Variants in RYR2 observed in about 807,000 individuals in gnomAD.
RYR2 encodes cardiac muscle ryanodine receptor-calcium release channel.
A neutral mutation model predicts 601.1 loss-of-function variants in RYR2; 227 were observed. The observed-to-expected ratio is 0.38, with a 90% CI of 0.34 to 0.42. The LOEUF is 0.42. RYR2 is among the 10% of genes least tolerant of loss of function. The pLI, the probability that RYR2 is intolerant of heterozygous loss-of-function variation, is 1.00. For missense variants in RYR2, 4,646 were observed against 6,156.5 expected, an observed-to-expected ratio of 0.75 and a Z score of 8.21; for synonymous variants, 2,223 against 2,175.1, an observed-to-expected ratio of 1.02 and a Z score of -0.61.
intron 36 of RYR2, among the ~76,000 whole-genome samples, chr1:237,611,849 T>C (rs1677904964): frequency 6.6e-6 from 1 of 152,192 alleles, no homozygotes; most frequent in African/African-American, 2.4e-5. Context: ...AACCTATGCT[T>C]TGGAAAACAG....
At chr1:237,451,580 CAAAA>C (rs3035864) in intron 14 of RYR2, among the ~76,000 whole-genome samples, 1 of 120,016 alleles carries the variant, frequency 8.3e-6, no homozygotes. Context: ...AACTCTGTCT[CAAAA>C]AAAAAAAAAA....
chr1:237,107,391 G>C (rs1194711221), intron 1 of RYR2, among the ~76,000 whole-genome samples: 12 of 151,092 alleles, frequency 7.9e-5, no homozygotes, highest in Non-Finnish European at 1.6e-4. Context: ...CGTGGTGGCG[G>C]GCGCCTGTAG....
At chr1:237,054,211 T>C (rs1173158638) in intron 1 of RYR2, among the ~76,000 whole-genome samples, 1 of 144,210 alleles carries the variant, frequency 6.9e-6, no homozygotes, top group Non-Finnish European at 1.5e-5. Context: ...TTTCCTCCCT[T>C]CCTTCCTTTT....
chr1:237,131,081 C>A (rs1481837382), intron 1 of RYR2, among the ~76,000 whole-genome samples: 1 of 152,032 alleles, frequency 6.6e-6, no homozygotes, highest in Non-Finnish European at 1.5e-5. Context: ...TAGCCCCTGG[C>A]ACAGATGAGC....
At chr1:237,458,056 C>T (rs945616859) in intron 16 of RYR2, among the ~76,000 whole-genome samples, 7 of 152,142 alleles carry the variant, frequency 4.6e-5, no homozygotes, top group South Asian at 2.1e-4. Context: ...CACATCACAC[C>T]TCTGGGACGT....
At chr1:237,662,885 T>C (rs1683935717) in intron 56 of RYR2, among the ~76,000 whole-genome samples, 1 of 152,268 alleles carries the variant, frequency 6.6e-6, no homozygotes, top group African/African-American at 2.4e-5. Context: ...CTGGTAGTGC[T>C]ACTTTCTAAA....
intron 16 of RYR2, among the ~76,000 whole-genome samples, chr1:237,464,562 G>T (rs562539909): frequency 1.3e-5 from 2 of 151,982 alleles, no homozygotes; most frequent in Non-Finnish European, 2.9e-5. Flanking sequence ...TGGGGAAGCA[G>T]TCCCACTAAT....
Position 237,098,012 on chromosome 1 carries a change from A to G in RYR2, c.48+55443A>G, listed in dbSNP as rs138986122. On this transcript the variant is annotated intron_variant, in intron 1 of 104. Coordinates refer to ENST00000366574, the MANE Select transcript of RYR2 (RefSeq NM_001035.3). ...CATTTTTCTTTATTAAAATGTATGCATTAAAATTGTTATGCATGAAGACAA... is the reference window on the plus strand; with the variant it reads ...CATTTTTCTTTATTAAAATGTATGCGTTAAAATTGTTATGCATGAAGACAA... 2.9e-3 allele frequency among the ~76,000 whole-genome samples: 436 copies of G among 152,362 alleles called. 4 individuals are homozygous for G. The highest frequency in any genetic ancestry group is 0.01 in the African/African-American group (421 of 41,584).
rs984258517 is a variant in RYR2 at position 237,602,348 on chromosome 1, A to G, written c.4683+237A>G. On this transcript the variant is annotated intron_variant, in intron 35 of 104. Coordinates refer to ENST00000366574, the MANE Select transcript of RYR2 (RefSeq NM_001035.3). ...TATTCAATAAAAGGCCTATAGAAAA[A>G]AAAATGCCGAGATTACACACATTGC... is the stretch of plus-strand genomic sequence containing the variant. Among the ~76,000 whole-genome samples the G allele has an allele frequency of 5.3e-5, 8 of 152,234 alleles. No individual in the cohort carries two copies. In the South Asian group the frequency reaches 1.7e-3, roughly 32 times the overall value.
At chr1:237,830,305 C>G in intron 102 of RYR2, 1 of 431,892 alleles carries the variant, frequency 2.3e-6, no homozygotes, top group Non-Finnish European at 4.3e-6. Context: ...TCCCTGTCTG[C>G]GTCTGCTACT....
chr1:237,743,634 A>G, intron 80 of RYR2: 1 of 518,506 alleles, frequency 1.9e-6, no homozygotes, highest in South Asian at 1.4e-5. Flanking sequence ...GTAAAACTAT[A>G]TATATGTGTG....
chr1:237,441,507 A>T, intron 13 of RYR2, 24 bp downstream of exon 13: 1 of 1,442,242 alleles, frequency 6.9e-7, no homozygotes. Context: ...AAAAAACATA[A>T]TTTATAGAAG....
rs776736334 is a variant in RYR2, at chr1:237,068,002, AT to A, written c.48+25435del. Among the ~76,000 whole-genome samples the A allele has an allele frequency of 6.0e-5, 9 of 149,464 alleles. No individual in the cohort carries two copies. The South Asian group carries it at 1.1e-3, about 18-fold the overall frequency. On this transcript the variant is annotated intron_variant, in intron 1 of 104. Transcript: ENST00000366574. ...CACTTAAATCACTAGCAGATTCAAC[AT>A]TGCATACCTTGATTTATCCAGAACT... is the stretch of plus-strand genomic sequence containing the variant.
chr1:237,083,683 A>G (rs1665995478), intron 1 of RYR2, among the ~76,000 whole-genome samples: 2 of 152,112 alleles, frequency 1.3e-5, no homozygotes, highest in South Asian at 4.1e-4. Context: ...AGTGCCCTTT[A>G]ACTGTGCTCC....
intron 1 of RYR2, among the ~76,000 whole-genome samples, chr1:237,148,081 G>A (rs1167990126): frequency 6.6e-6 from 1 of 152,158 alleles, no homozygotes; most frequent in Non-Finnish European, 1.5e-5. Flanking sequence ...CGCATGTCGT[G>A]TCACACATAT....
chr1:237,156,252 C>T (rs970845260), intron 1 of RYR2, among the ~76,000 whole-genome samples: 1 of 152,186 alleles, frequency 6.6e-6, no homozygotes, highest in Non-Finnish European at 1.5e-5. Context: ...AAGATAGCTG[C>T]ACTACATTGT....
chr1:237,060,203 A>G (rs529953756), intron 1 of RYR2, among the ~76,000 whole-genome samples: 3 of 152,330 alleles, frequency 2.0e-5, no homozygotes, highest in South Asian at 2.1e-4. Flanking sequence ...ATAAAATTAT[A>G]TGATTACTAC....
chr1:237,474,270 C>T (rs1342474895), intron 17 of RYR2, among the ~76,000 whole-genome samples: 4 of 71,252 alleles, frequency 5.6e-5, no homozygotes, highest in East Asian at 9.6e-4. Context: ...TAGATACCTA[C>T]ACACACACAC....
At chr1:237,474,670 G>A (rs1262097480) in intron 17 of RYR2, among the ~76,000 whole-genome samples, 2 of 152,060 alleles carry the variant, frequency 1.3e-5, no homozygotes, top group Non-Finnish European at 2.9e-5. Context: ...AAACTCCCTG[G>A]GAGAGCTTTG....
Sources: gnomAD v4.1 joint callset for allele counts (sites outside exome capture counted in the v4.1 genomes callset) on GRCh38, gnomAD v4.1.1 for gene constraint, MANE v1.5 for transcripts, NCBI Gene and HGNC (gene_info 2026-07-23, HGNC 2026-07-21) for gene names.